The following SENP1 variants were observed in gnomAD, a reference collection of about 807,000 sequenced individuals.
SENP1 encodes sentrin-specific protease 1.
SENP1 carries 21 observed loss-of-function variants against 93.0 expected under a neutral mutation model. That is an observed-to-expected ratio of 0.23 (90% CI 0.16 to 0.33). The LOEUF is 0.33. SENP1 is among the 10% of genes least tolerant of loss of function. The pLI is 1.00. For synonymous variants in SENP1, 256 were observed against 259.6 expected (o/e 0.99, Z 0.13); for missense variants, 591 against 758.7 (o/e 0.78, Z 2.60).
rs747904947 is a variant in SENP1, at chr12:48,083,716, C to T, written c.427G>A (p.Val143Ile). ...GGAAAAGATTTTTCATATGCAGATA[C>T]ATGGCAGTGATGGTTTGACTTTCCC... ...FAGKSNHHCH[V>I]SAYEKSFPIK... The change falls in exon 6 of 18, where the codon GTA becomes ATA. Residue 143 changes from valine to isoleucine, a missense_variant. Physicochemically the swap from Val to Ile is conservative, Grantham distance 29. Transcript: ENST00000549518. 27 of 1,612,898 alleles carry T rather than the reference C, an allele frequency of 1.7e-5. 1 individual carries two copies. The Middle Eastern group carries it at 1.3e-3, about 79-fold the overall frequency.
intron 15 of SENP1, 37 bp from the exon 16 acceptor site, chr12:48,047,099 G>T: frequency 2.3e-6 from 3 of 1,298,772 alleles, no homozygotes; most frequent in South Asian, 1.2e-5. Flanking sequence ...AAGCAGTGGG[G>T]AACATCGATG....
intron 14 of SENP1, 140 bp from the exon 15 acceptor site, chr12:48,048,220 T>C: frequency 1.6e-6 from 1 of 618,498 alleles, no homozygotes; most frequent in Non-Finnish European, 2.9e-6. Context: ...TTGCATTATA[T>C]TATGCTTAAT....
At chr12:48,089,930 A>G (rs1347486250) in intron 4 of SENP1, among the ~76,000 whole-genome samples, 1 of 152,252 alleles carries the variant, frequency 6.6e-6, no homozygotes, top group Non-Finnish European at 1.5e-5. Flanking sequence ...AAAGTATTTA[A>G]TGTATCTTTT....
intron 6 of SENP1, chr12:48,081,267 AAATAT>A (rs1481920585): frequency 2.0e-5 from 3 of 152,184 alleles, no homozygotes; most frequent in African/African-American, 2.4e-5. Context: ...AAAATAATGT[AAATAT>A]AATATAAAAT....
intron 4 of SENP1, among the ~76,000 whole-genome samples, 173 bp downstream of exon 4, chr12:48,096,170 A>G (rs898479392): frequency 2.0e-5 from 3 of 152,264 alleles, no homozygotes; most frequent in South Asian, 2.1e-4. Context: ...AAATCAGTAA[A>G]GTATCATAGC....
At chr12:48,047,421 T>C (rs1212377401) in intron 15 of SENP1, among the ~76,000 whole-genome samples, 2 of 152,238 alleles carry the variant, frequency 1.3e-5, no homozygotes, top group African/African-American at 4.8e-5. Context: ...AAAGTGTTTT[T>C]CTGGTACTAT....
chr12:48,105,799 GAACGGCCTCAGGTAGCCT>G, intron 1 of SENP1: 1 of 588,942 alleles, frequency 1.7e-6, no homozygotes, highest in South Asian at 2.0e-5. Flanking sequence ...AGACCAGAAG[GAACGGCCTCAGGTAGCCT>G]AACGGCCACC....
At chr12:48,046,900 T>C in intron 16 of SENP1, 78 bp downstream of exon 16, 1 of 921,272 alleles carries the variant, frequency 1.1e-6, no homozygotes, top group Non-Finnish European at 1.7e-6. Context: ...AGGTGGTCCC[T>C]GGGAATTAAG....
At position 48,105,944 on chromosome 12, in the gene SENP1, G is replaced by T. The variant is rs1006380642; in HGVS notation, c.-45+84C>A. 4 of 691,360 alleles carry T rather than the reference G, an allele frequency of 5.8e-6. No individual in the cohort carries two copies. The African/African-American group carries it at 7.0e-5, about 12-fold the overall frequency. 42.8% of individuals were successfully genotyped at this position (691,360 alleles called of 1,614,324 possible). A position where few individuals can be genotyped will look rare whatever the true frequency, so the allele number is the denominator to read the frequency against. The stretch of plus-strand genomic sequence containing the variant: ...CCCCGCTTCCGCCCAGTCCAGCCCG[G>T]GCCGGCTGACCGGGTCCGACACAGT... On this transcript the variant is annotated intron_variant, in intron 1 of 17. Coordinates refer to ENST00000549518, the MANE Select transcript of SENP1 (RefSeq NM_001267594.2).
In SENP1 at chr12:48,045,446, C is replaced by T. The variant is rs1328895351; in HGVS notation, c.1873-62G>A. The T allele has an allele frequency of 4.4e-6, 6 of 1,353,656 alleles. No homozygotes were observed. The East Asian group carries it at 1.2e-4, about 26-fold the overall frequency. 83.9% of individuals were successfully genotyped at this position (1,353,656 alleles called of 1,614,324 possible). A position where few individuals can be genotyped will look rare whatever the true frequency, so the allele number is the denominator to read the frequency against. Reference sequence around the variant, plus strand: ...TTTTGTCTAGACCTGATACGCCTTTCCCCATACTTCTTTCTTTTGCAAGGT... The same window carrying T: ...TTTTGTCTAGACCTGATACGCCTTTTCCCATACTTCTTTCTTTTGCAAGGT... On this transcript the variant is annotated intron_variant, in intron 17 of 17. Transcript: ENST00000549518.
rs1943945199 is a variant in SENP1, at chr12:48,074,748, T to C, written c.598A>G (p.Met200Val). 6 of 1,613,280 alleles carry C rather than the reference T, an allele frequency of 3.7e-6. No homozygotes were observed. Among genetic ancestry groups the C allele is most frequent in the Non-Finnish European group, 5.1e-6 (6 of 1,179,704 alleles). Residue 200 changes from methionine (M) to valine (V), a missense_variant, in exon 7 of 18, where the codon ATG (methionine) becomes GTG (valine). By Grantham distance (21) the Met-to-Val change is conservative (BLOSUM62 1). Coordinates refer to ENST00000549518, the MANE Select transcript of SENP1 (RefSeq NM_001267594.2). ...ATAGTAAACTGTTTCCCTGTGACCA[T>C]CTGTAGCAGCTGTCTGTAAATCTCT... ...EREIYRQLLQMVTGKQFTIAK... is the reference protein window; with the variant it reads ...EREIYRQLLQVVTGKQFTIAK...
chr12:48,095,335 G>A (rs932361847), intron 4 of SENP1, among the ~76,000 whole-genome samples: 1 of 151,720 alleles, frequency 6.6e-6, no homozygotes, highest in Non-Finnish European at 1.5e-5. Flanking sequence ...TTAAGAGTTC[G>A]GACCAGCCTG....
intron 1 of SENP1, among the ~76,000 whole-genome samples, chr12:48,102,147 G>A (rs754145286): frequency 2.0e-5 from 3 of 152,088 alleles, no homozygotes; most frequent in African/African-American, 4.8e-5. Context: ...ACTGCTGGCC[G>A]GGTGCAGTGG....
At chr12:48,060,479 A>G (rs1379015291) in intron 13 of SENP1, among the ~76,000 whole-genome samples, 1 of 152,206 alleles carries the variant, frequency 6.6e-6, no homozygotes, top group Non-Finnish European at 1.5e-5. Flanking sequence ...GAATTAATAC[A>G]TAGTTTCTAA....
At chr12:48,088,075 A>G (rs1945000447) in intron 5 of SENP1, among the ~76,000 whole-genome samples, 1 of 150,506 alleles carries the variant, frequency 6.6e-6, no homozygotes, top group Non-Finnish European at 1.5e-5. Flanking sequence ...TTTTTCTGAG[A>G]CGAGGTCACT....
At chr12:48,055,531 A>G (rs1057419713) in intron 13 of SENP1, 1 of 151,982 alleles carries the variant, frequency 6.6e-6, no homozygotes, top group African/African-American at 2.4e-5. Context: ...CTTATCCGGA[A>G]ATTTGCTGGC....
At chr12:48,074,011 A>G (rs928787050) in intron 8 of SENP1, among the ~76,000 whole-genome samples, 8 of 152,240 alleles carry the variant, frequency 5.3e-5, no homozygotes, top group African/African-American at 1.9e-4. Context: ...TTACAAGTTC[A>G]GTATCCCTTA....
At chr12:48,089,349 G>A in intron 4 of SENP1, 1 of 1,317,764 alleles carries the variant, frequency 7.6e-7, no homozygotes. Context: ...AGTGAGAATT[G>A]TAATTCAAAT....
chr12:48,100,277 G>T (rs999319662), intron 2 of SENP1, among the ~76,000 whole-genome samples: 1 of 152,150 alleles, frequency 6.6e-6, no homozygotes, highest in African/African-American at 2.4e-5. Context: ...AAATGAAATA[G>T]AATATTTACA....
Sources: gnomAD v4.1 joint callset for allele counts (sites outside exome capture counted in the v4.1 genomes callset) on GRCh38, gnomAD v4.1.1 for gene constraint, MANE v1.5 for transcripts, NCBI Gene and HGNC (gene_info 2026-07-23, HGNC 2026-07-21) for gene names.